URI1: variants seen among roughly 807,000 people sequenced by gnomAD.
URI1 encodes the protein unconventional prefoldin RPB5 interactor 1.
A neutral mutation model predicts 60.2 loss-of-function variants in URI1; 39 were observed. The observed-to-expected ratio is 0.65, with a 90% CI of 0.50 to 0.85. URI1 has a LOEUF of 0.85. Ranked by LOEUF, URI1 falls within the 40% of genes least tolerant of loss-of-function variation. URI1 has a pLI of 0.00. For missense variants in URI1, 691 were observed against 665.9 expected, an observed-to-expected ratio of 1.04 and a Z score of -0.42; for synonymous variants, 251 against 236.8, an observed-to-expected ratio of 1.06 and a Z score of -0.55.
intron 1 of URI1, among the ~76,000 whole-genome samples, chr19:29,968,652 A>G (rs2055420771): frequency 7.2e-6 from 1 of 138,036 alleles, no homozygotes; most frequent in African/African-American, 2.7e-5. Context: ...GCTCACTGCA[A>G]GCTCTGCCTC....
chr19:29,992,996 T>G (rs1429861722), intron 4 of URI1, among the ~76,000 whole-genome samples: 1 of 152,228 alleles, frequency 6.6e-6, no homozygotes, highest in East Asian at 1.9e-4. Flanking sequence ...TTAATAGATT[T>G]TCCTTTCAAA....
intron 1 of URI1, among the ~76,000 whole-genome samples, chr19:29,933,940 C>CTTTT (rs34942474): frequency 3.2e-5 from 4 of 124,706 alleles, no homozygotes; most frequent in African/African-American, 6.7e-5. Flanking sequence ...CTTTTCTTCC[C>CTTTT]TTTTTTTTTT....
intron 1 of URI1, among the ~76,000 whole-genome samples, chr19:29,928,961 T>C (rs1379749444): frequency 6.6e-6 from 1 of 152,162 alleles, no homozygotes; most frequent in Non-Finnish European, 1.5e-5. Context: ...CTTCCTCTTA[T>C]TTAGAGAAAG....
At chr19:29,997,252 AGTC>A (rs948486591) in intron 4 of URI1, among the ~76,000 whole-genome samples, 10 of 152,140 alleles carry the variant, frequency 6.6e-5, no homozygotes, top group Admixed American at 5.9e-4. Flanking sequence ...ACTTGTTACA[AGTC>A]TATTCAGATT....
intron 2 of URI1, among the ~76,000 whole-genome samples, chr19:29,980,799 A>G (rs996782739): frequency 5.3e-5 from 8 of 150,772 alleles, no homozygotes; most frequent in Non-Finnish European, 7.4e-5. Flanking sequence ...GCGCGTGCCT[A>G]TAATCTCAGC....
At chr19:29,942,778 C>G (rs2055048339) in intron 1 of URI1, 114 bp downstream of exon 1, 2 of 1,177,818 alleles carry the variant, frequency 1.7e-6, no homozygotes, top group Admixed American at 9.1e-5. Flanking sequence ...CCGGAGGGAA[C>G]GGGGATAAAC....
In URI1 at chr19:30,007,403, T is replaced by C. The variant is rs889881095; in HGVS notation, c.518-67T>C. On this transcript the variant is annotated intron_variant, in intron 6 of 10. Coordinates refer to ENST00000392271, the MANE Select transcript of URI1 (RefSeq NM_003796.3). ...CCCTTGCCCCAAAAGAAAGTCTCAT[T>C]AAGTCTGGGTTTGTGCCTTTTTTAT... 2.7e-5 allele frequency: 42 copies of C among 1,537,508 alleles called. No individual in the cohort carries two copies. In the African/African-American group the frequency reaches 4.9e-4, roughly 18 times the overall value.
upstream of URI1, among the ~76,000 whole-genome samples, chr19:29,940,691 G>A (rs1401254816): frequency 5.3e-5 from 8 of 152,072 alleles, no homozygotes; most frequent in African/African-American, 9.7e-5. Flanking sequence ...GGACGACATC[G>A]CACACCCATT....
intron 2 of URI1, among the ~76,000 whole-genome samples, chr19:29,976,658 C>A (rs896285153): frequency 6.6e-6 from 1 of 152,144 alleles, no homozygotes; most frequent in Non-Finnish European, 1.5e-5. Flanking sequence ...AGGAAGTCTC[C>A]GTCCTTTATG....
intron 1 of URI1, among the ~76,000 whole-genome samples, chr19:29,934,613 G>A (rs1305304294): frequency 6.6e-6 from 1 of 152,220 alleles, no homozygotes; most frequent in Non-Finnish European, 1.5e-5. Flanking sequence ...ATAGCTCACT[G>A]CAGCTTCGAC....
chr19:29,939,565 C>T (rs576276464), upstream of URI1, among the ~76,000 whole-genome samples: 9 of 152,284 alleles, frequency 5.9e-5, no homozygotes, highest in Admixed American at 3.3e-4. Flanking sequence ...TGAGCCACTG[C>T]GCCCGGCCAA....
chr19:29,981,860 C>A (rs770220053), intron 2 of URI1, among the ~76,000 whole-genome samples: 9 of 151,856 alleles, frequency 5.9e-5, no homozygotes, highest in Non-Finnish European at 1.5e-5. Context: ...AATTACGTTT[C>A]TAATTATTAA....
At position 30,016,482 on chromosome 19, in the gene URI1, C is replaced by T. The variant is rs1218063704; in HGVS notation, c.*1413C>T. ...ACAAAGATGCTCCCGTTAGGAATTG[C>T]TATTCACATGAGGCTTTCTGTGCTA... On this transcript the variant is annotated 3_prime_UTR_variant, in exon 11 of 11. Transcript: ENST00000392271. 1 of 152,130 alleles carries T rather than the reference C, an allele frequency of 6.6e-6. No individual in the cohort carries two copies. Among genetic ancestry groups the T allele is most frequent in the Non-Finnish European group, 1.5e-5 (1 of 67,980 alleles). 9.4% of individuals were successfully genotyped at this position (152,130 alleles called of 1,614,324 possible). A position where few individuals can be genotyped will look rare whatever the true frequency, so the allele number is the denominator to read the frequency against.
At chr19:29,965,649 A>C (rs2055383072) in intron 1 of URI1, among the ~76,000 whole-genome samples, 2 of 152,218 alleles carry the variant, frequency 1.3e-5, no homozygotes, top group Non-Finnish European at 2.9e-5. Flanking sequence ...CTCTAGTTCA[A>C]GTCACCCCCA....
chr19:29,985,341 T>A, intron 3 of URI1, 40 bp downstream of exon 3: 1 of 1,524,300 alleles, frequency 6.6e-7, no homozygotes, highest in Non-Finnish European at 9.1e-7. Context: ...TAGTTGTTTC[T>A]TGTAAACATA....
intron 4 of URI1, among the ~76,000 whole-genome samples, chr19:30,002,380 A>G (rs1599719633): frequency 6.6e-6 from 1 of 152,088 alleles, no homozygotes; most frequent in Non-Finnish European, 1.5e-5. Context: ...TGGTTTAAAC[A>G]TGTCTTTGGA....
chr19:29,943,208 A>ACCT, intron 1 of URI1, among the ~76,000 whole-genome samples: 1 of 151,356 alleles, frequency 6.6e-6, no homozygotes, highest in East Asian at 1.9e-4. Context: ...ACCCTTCCCC[A>ACCT]CCTCGCCTCC....
chr19:29,961,090 G>T (rs1396339967), intron 1 of URI1, among the ~76,000 whole-genome samples: 2 of 151,850 alleles, frequency 1.3e-5, no homozygotes, highest in African/African-American at 4.8e-5. Flanking sequence ...CGAACTCCTG[G>T]CCTCAAGCGG....
chr19:29,995,066 G>A (rs186747485), intron 4 of URI1, among the ~76,000 whole-genome samples: 1 of 152,208 alleles, frequency 6.6e-6, no homozygotes, highest in East Asian at 1.9e-4. Flanking sequence ...ACAGGTGTGA[G>A]CCACCACGCC....
Sources: gnomAD v4.1 joint callset for allele counts (sites outside exome capture counted in the v4.1 genomes callset) on GRCh38, gnomAD v4.1.1 for gene constraint, MANE v1.5 for transcripts, NCBI Gene and HGNC (gene_info 2026-07-23, HGNC 2026-07-21) for gene names.